SPAG9: variants seen among roughly 807,000 people sequenced by gnomAD.
The protein encoded by SPAG9 is sperm associated antigen 9, also known as C-Jun-amino-terminal kinase-interacting protein 4.
In SPAG9, 35 loss-of-function variants were observed where a neutral mutation model predicts 166.5. The observed-to-expected ratio is 0.21, with a 90% CI of 0.16 to 0.28. SPAG9 has a LOEUF of 0.28. Among genes scored for constraint, SPAG9 ranks in the 10% least tolerant of loss-of-function variants. The pLI is 1.00. For synonymous variants in SPAG9, 534 were observed against 565.5 expected, an observed-to-expected ratio of 0.94 and a Z score of 0.79; for missense variants, 1,235 against 1,603.3, an observed-to-expected ratio of 0.77 and a Z score of 3.92.
chr17:51,051,115 GT>G (rs1393420528), intron 3 of SPAG9, among the ~76,000 whole-genome samples: 2 of 151,890 alleles, frequency 1.3e-5, no homozygotes, highest in Non-Finnish European at 2.9e-5. Context: ...GGTGTAGTGT[GT>G]TTTTTTGTTT....
intron 29 of SPAG9, among the ~76,000 whole-genome samples, chr17:50,968,740 A>T (rs977264826): frequency 6.6e-6 from 1 of 152,036 alleles, no homozygotes; most frequent in African/African-American, 2.4e-5. Flanking sequence ...CTCAAAAAAG[A>T]AAAATTATAG....
chr17:50,992,858 A>T (rs1228360807), intron 19 of SPAG9, among the ~76,000 whole-genome samples: 1 of 152,000 alleles, frequency 6.6e-6, no homozygotes, highest in Non-Finnish European at 1.5e-5. Flanking sequence ...GCACTTTGGG[A>T]GACCGAGGCG....
In SPAG9 at chr17:51,072,260, C is replaced by T. The variant is rs184054615; in HGVS notation, c.424+7324G>A. Among the ~76,000 whole-genome samples, 363 of 150,978 alleles carry T rather than the reference C, an allele frequency of 2.4e-3. 3 individuals are homozygous for T. Among genetic ancestry groups the T allele is most frequent in the Admixed American group, 6.1e-3 (93 of 15,144 alleles). ...CTAATTTTTGTATTTTTAGTAGAGA[C>T]GGAGTTTCACCCTTTTGGCCAGGCT... On this transcript the variant is annotated intron_variant, in intron 2 of 29. Transcript: ENST00000262013.
chr17:50,976,977 G>A lies in SPAG9; in HGVS notation c.3523+131C>T, dbSNP rs571094828. The stretch of plus-strand genomic sequence containing the variant: ...TTTCCTAGAATTTATAAGTTTCATT[G>A]AGTGAAGTAACTATAGCTAGATCTT... On this transcript the variant is annotated intron_variant, in intron 27 of 29. Coordinates refer to ENST00000262013, the MANE Select transcript of SPAG9 (RefSeq NM_001130528.3). The A allele has an allele frequency of 2.4e-3, 1,469 of 606,008 alleles. 11 individuals carry two copies. The highest frequency in any genetic ancestry group is 0.011 in the South Asian group (535 of 48,114). The allele number at this position is 606,008 out of a possible 1,614,324, so 37.5% of individuals were successfully genotyped here.
chr17:51,115,305 TA>T (rs1000099577), intron 1 of SPAG9, among the ~76,000 whole-genome samples: 2 of 152,032 alleles, frequency 1.3e-5, no homozygotes, highest in African/African-American at 4.8e-5. Context: ...CCTCCTGCCT[TA>T]GCCTCCTGAG....
intron 5 of SPAG9, among the ~76,000 whole-genome samples, chr17:51,037,683 A>AGTG (rs1365192065): frequency 0.032 from 3,276 of 101,872 alleles, 198 homozygotes; most frequent in Non-Finnish European, 0.04. Flanking sequence ...ATATATATAT[A>AGTG]TAGTGTGTGT....
chr17:51,035,932 G>A (rs1358380208), intron 5 of SPAG9, among the ~76,000 whole-genome samples: 1 of 152,110 alleles, frequency 6.6e-6, no homozygotes, highest in Non-Finnish European at 1.5e-5. Flanking sequence ...TAATTTTCAT[G>A]ATGCTTTCTA....
intron 2 of SPAG9, among the ~76,000 whole-genome samples, chr17:51,066,379 G>C (rs1159230408): frequency 6.6e-6 from 1 of 151,814 alleles, no homozygotes; most frequent in Non-Finnish European, 1.5e-5. Context: ...CCAAAATACT[G>C]AGATTACAGG....
Position 51,047,482 on chromosome 17 carries a change from A to C in SPAG9, c.496-13T>G. 1 of 1,249,244 alleles carries C rather than the reference A, an allele frequency of 8.0e-7. No individual in the cohort carries two copies. 77.4% of individuals were successfully genotyped at this position (1,249,244 alleles called of 1,614,324 possible). A position where few individuals can be genotyped will look rare whatever the true frequency, so the allele number is the denominator to read the frequency against. ...AATTATGGATCATCTATTTTAAAGAAAGAAAAAATACACAATATTTAAGGC... is the reference window on the plus strand; with the variant it reads ...AATTATGGATCATCTATTTTAAAGACAGAAAAAATACACAATATTTAAGGC... On this transcript the variant is annotated splice_polypyrimidine_tract_variant and intron_variant, in intron 3 of 29. Coordinates refer to ENST00000262013, the MANE Select transcript of SPAG9 (RefSeq NM_001130528.3).
intron 22 of SPAG9, 42 bp downstream of exon 22, chr17:50,987,070 A>G (rs1975098066): frequency 6.4e-7 from 1 of 1,564,782 alleles, no homozygotes. Flanking sequence ...CAAAAGCAAA[A>G]GTAAAACAAC....
chr17:51,042,443 G>A (rs2144405594), intron 4 of SPAG9: 1 of 152,298 alleles, frequency 6.6e-6, no homozygotes, highest in African/African-American at 2.4e-5. Flanking sequence ...CTTTTAGAGG[G>A]TGGAAACAAG....
intron 19 of SPAG9, among the ~76,000 whole-genome samples, chr17:50,992,341 GT>G (rs1975648268): frequency 6.6e-6 from 1 of 152,100 alleles, no homozygotes; most frequent in South Asian, 2.1e-4. Flanking sequence ...GTTCATCTGT[GT>G]TATAACATGT....
Position 51,053,834 on chromosome 17 carries a change from A to AT in SPAG9, c.495+2577dup, listed in dbSNP as rs1198949902. 1.5e-4 allele frequency among the ~76,000 whole-genome samples: 10 copies of AT among 65,096 alleles called. No individual in the cohort carries two copies. The South Asian group carries it at 1.7e-3, about 11-fold the overall frequency. 42.7% of individuals were successfully genotyped at this position (65,096 alleles called of 152,430 possible). ...GCCTGGGAAACAGAGTGAGACCCTA[A>AT]TTAAAAAAAAAAAAAAAAAAGTATA... On this transcript the variant is annotated intron_variant, in intron 3 of 29. Coordinates refer to ENST00000262013, the MANE Select transcript of SPAG9 (RefSeq NM_001130528.3).
rs781113712 is a variant in SPAG9, at chr17:50,966,401, A to G, written c.3851-14T>C. On this transcript the variant is annotated splice_polypyrimidine_tract_variant and intron_variant, in intron 29 of 29. Coordinates refer to ENST00000262013, the MANE Select transcript of SPAG9 (RefSeq NM_001130528.3). ...CACCTTCATCACCTAGTGAATGATAAGAAGACTCAAGTTAGGCTGAACACA... is the reference window on the plus strand; with the variant it reads ...CACCTTCATCACCTAGTGAATGATAGGAAGACTCAAGTTAGGCTGAACACA... The G allele has an allele frequency of 1.4e-6, 2 of 1,438,510 alleles. No homozygotes were observed. Among genetic ancestry groups the G allele is most frequent in the East Asian group, 2.3e-5 (1 of 44,080 alleles). 89.1% of individuals were successfully genotyped at this position (1,438,510 alleles called of 1,614,324 possible).
At chr17:51,060,856 T>G (rs544459058) in intron 2 of SPAG9, among the ~76,000 whole-genome samples, 76 of 151,168 alleles carry the variant, frequency 5.0e-4, no homozygotes, top group African/African-American at 1.7e-3. Context: ...TGTTTTTTTT[T>G]TTTTTCCTTG....
chr17:51,021,463 A>AT (rs199958908), intron 6 of SPAG9, 98 bp from the exon 7 acceptor site: 2,503 of 1,025,606 alleles, frequency 2.4e-3, no homozygotes, highest in African/African-American at 3.3e-3. Context: ...AGAAAGTTCT[A>AT]TTTTTTTTTC....
chr17:51,110,734 T>C (rs2049084995), intron 1 of SPAG9, among the ~76,000 whole-genome samples: 1 of 152,032 alleles, frequency 6.6e-6, no homozygotes, highest in Admixed American at 6.6e-5. Context: ...ACTTCTCTAT[T>C]ACATTAATAT....
intron 2 of SPAG9, among the ~76,000 whole-genome samples, chr17:51,069,049 TATAG>T (rs1473311373): frequency 1.3e-5 from 2 of 152,118 alleles, no homozygotes; most frequent in African/African-American, 4.8e-5. Context: ...TTATTAAATA[TATAG>T]ATATTCTTAG....
chr17:51,045,555 C>T (rs982309136), intron 4 of SPAG9, among the ~76,000 whole-genome samples: 1 of 151,990 alleles, frequency 6.6e-6, no homozygotes, highest in African/African-American at 2.4e-5. Flanking sequence ...TACTTTAATT[C>T]TTCTTAATTT....
Sources: allele counts gnomAD v4.1 joint callset (sites outside exome capture counted in the v4.1 genomes callset), GRCh38; gene constraint gnomAD v4.1.1; transcripts MANE v1.5; gene names NCBI Gene and HGNC (gene_info 2026-07-23, HGNC 2026-07-21).